The following BICD2 variants were observed in gnomAD, a reference collection of about 807,000 sequenced individuals.
BICD2 encodes the protein BICD cargo adaptor 2, also known as protein bicaudal D homolog 2.
In BICD2, 25 loss-of-function variants were observed where a neutral mutation model predicts 72.9. The ratio of observed to expected loss-of-function variants is 0.34; its 90% CI spans 0.25 to 0.48. The LOEUF is 0.48. BICD2 is among the 20% of genes least tolerant of loss of function. BICD2 has a pLI of 0.99. For missense variants in BICD2, 894 were observed against 1,175.2 expected (o/e 0.76, Z 3.50); for synonymous variants, 501 against 516.1 (o/e 0.97, Z 0.40).
chr9:92,714,932 G>A lies in BICD2; in HGVS notation c.*222C>T, dbSNP rs1853270973. ...CCACCTCTGACCCCCACCTAAGAGA[G>A]CAGCTGAGGACTGGGTGCTCCTGAG... On this transcript the variant is annotated 3_prime_UTR_variant, in exon 7 of 7. Transcript: ENST00000356884. 7.3e-7 allele frequency: 1 copy of A among 1,364,312 alleles called. No homozygotes were observed. Among genetic ancestry groups the A allele is most frequent in the Admixed American group, 3.4e-5 (1 of 29,270 alleles). The allele number at this position is 1,364,312 out of a possible 1,614,324, so 84.5% of individuals were successfully genotyped here. A position where few individuals can be genotyped will look rare whatever the true frequency, so the allele number is the denominator to read the frequency against.
intron 1 of BICD2, among the ~76,000 whole-genome samples, chr9:92,761,484 T>C (rs1854371631): frequency 6.6e-6 from 1 of 152,176 alleles, no homozygotes; most frequent in Non-Finnish European, 1.5e-5. Flanking sequence ...AGTGAGGGTG[T>C]CCAGACCTCC....
At chr9:92,728,811 G>C (rs1413632017) in intron 2 of BICD2, among the ~76,000 whole-genome samples, 1 of 152,264 alleles carries the variant, frequency 6.6e-6, no homozygotes, top group African/African-American at 2.4e-5. Context: ...GCCAGAGGCA[G>C]TGGAACTTGT....
intron 2 of BICD2, among the ~76,000 whole-genome samples, chr9:92,725,332 T>C (rs1194228488): frequency 6.6e-6 from 1 of 152,222 alleles, no homozygotes; most frequent in Non-Finnish European, 1.5e-5. Context: ...TACCATGTCA[T>C]GGGTGATGAT....
At chr9:92,753,335 A>C (rs1854187741) in intron 1 of BICD2, among the ~76,000 whole-genome samples, 1 of 152,188 alleles carries the variant, frequency 6.6e-6, no homozygotes, top group Non-Finnish European at 1.5e-5. Context: ...AATCTGAATA[A>C]AGTATTCATA....
rs372899268 is a variant in BICD2, at chr9:92,718,637, C to T, written c.2008G>A (p.Glu670Lys). 1.9e-6 allele frequency: 3 copies of T among 1,613,848 alleles called. No individual in the cohort carries two copies. The highest frequency in any genetic ancestry group is 2.5e-6 in the Non-Finnish European group (3 of 1,180,046). The change falls in exon 5 of 7, where the codon GAA (glutamate) becomes AAA (lysine). Residue 670 changes from glutamate to lysine, a missense_variant. Around this residue, in one of 5 missense-constraint regions of BICD2, gnomAD observed 321 missense variants for 443.9 expected, o/e 0.72. Transcript: ENST00000356884. ...TTGAGGATCTCCTCCATAAGCGCTT[C>T]CTTGTCCTTGTCCACGGCGGGGCCC... Reference protein sequence around the residue: ...ELGPAVDKDKEALMEEILKLK... With the variant: ...ELGPAVDKDKKALMEEILKLK...
At chr9:92,753,342 C>T (rs1324239142) in intron 1 of BICD2, among the ~76,000 whole-genome samples, 1 of 152,062 alleles carries the variant, frequency 6.6e-6, no homozygotes, top group Non-Finnish European at 1.5e-5. Flanking sequence ...ATAAAGTATT[C>T]ATAATAATGC....
In BICD2 at chr9:92,713,306, C is replaced by T; in HGVS notation, c.*1848G>A. The T allele has an allele frequency of 2.4e-6, 2 of 836,174 alleles. No homozygotes were observed. The highest frequency in any genetic ancestry group is 3.8e-6 in the Non-Finnish European group (2 of 526,344). 51.8% of individuals were successfully genotyped at this position (836,174 alleles called of 1,614,324 possible). A position where few individuals can be genotyped will look rare whatever the true frequency, so the allele number is the denominator to read the frequency against. ...CCTCCCATTAAAAACCTGGGGAATG[C>T]TATTTTGAAAAGAATTGCAGTGGCA... On this transcript the variant is annotated 3_prime_UTR_variant, in exon 7 of 7. Transcript: ENST00000356884.
At chr9:92,716,865 G>C (rs994963350) in intron 6 of BICD2, among the ~76,000 whole-genome samples, 18 of 152,212 alleles carry the variant, frequency 1.2e-4, no homozygotes, top group African/African-American at 4.1e-4. Flanking sequence ...CCACCTCAGA[G>C]CCCATTACTA....
chr9:92,719,654 T>C (rs1393024653), intron 4 of BICD2, 72 bp from the exon 5 acceptor site: 1 of 1,455,668 alleles, frequency 6.9e-7, no homozygotes, highest in African/African-American at 1.4e-5. Flanking sequence ...ACCCCCAAGA[T>C]GGCCTAGTGA....
chr9:92,715,012 C>G lies in BICD2; in HGVS notation c.*142G>C. 1 of 1,422,458 alleles carries G rather than the reference C, an allele frequency of 7.0e-7. No homozygotes were observed. The highest frequency in any genetic ancestry group is 9.2e-7 in the Non-Finnish European group (1 of 1,088,468). 88.1% of individuals were successfully genotyped at this position (1,422,458 alleles called of 1,614,324 possible). A position where few individuals can be genotyped will look rare whatever the true frequency, so the allele number is the denominator to read the frequency against. ...AGCTCTCACAAGTGTCCTGCTGATG[C>G]AACGCCCCATGGCGCCTCGGCTAGA... On this transcript the variant is annotated 3_prime_UTR_variant, in exon 7 of 7. Coordinates refer to ENST00000356884, the MANE Select transcript of BICD2 (RefSeq NM_001003800.2).
intron 1 of BICD2, among the ~76,000 whole-genome samples, chr9:92,746,541 A>C (rs1854018471): frequency 6.6e-6 from 1 of 152,006 alleles, no homozygotes; most frequent in Non-Finnish European, 1.5e-5. Flanking sequence ...CCAAAAAAAA[A>C]AAAAAAAAGA....
At chr9:92,748,914 T>C (rs1854081434) in intron 1 of BICD2, among the ~76,000 whole-genome samples, 1 of 152,066 alleles carries the variant, frequency 6.6e-6, no homozygotes, top group South Asian at 2.1e-4. Flanking sequence ...AGTGGGACCA[T>C]AAGGCTTCTC....
chr9:92,744,411 A>G (rs1346781076), intron 1 of BICD2, among the ~76,000 whole-genome samples: 1 of 152,214 alleles, frequency 6.6e-6, no homozygotes, highest in African/African-American at 2.4e-5. Flanking sequence ...ACTACATGCA[A>G]CTTCTTGATC....
chr9:92,752,116 G>C (rs1370699084), intron 1 of BICD2, among the ~76,000 whole-genome samples: 2 of 152,052 alleles, frequency 1.3e-5, no homozygotes, highest in Non-Finnish European at 2.9e-5. Context: ...CTAACTAACT[G>C]CATGTTCAAA....
At position 92,718,679 on chromosome 9, in the gene BICD2, T is replaced by C; in HGVS notation, c.1966A>G (p.Ile656Val). The change falls in exon 5 of 7, where the codon ATT becomes GTT. Residue 656 changes from isoleucine to valine, a missense_variant. This residue lies in a region of BICD2 where 321 missense variants were observed against 443.9 expected (regional missense o/e 0.72). Transcript: ENST00000356884. ...DRTTELSRQR[I>V]ASQELGPAVD... Reference sequence around the variant, plus strand: ...GCGGGGCCCAGCTCCTGAGAGGCAATGCGCTGGCGTGACAGCTCCGTGGTG... The same window carrying C: ...GCGGGGCCCAGCTCCTGAGAGGCAACGCGCTGGCGTGACAGCTCCGTGGTG... 6.2e-7 allele frequency: 1 copy of C among 1,614,074 alleles called. No homozygotes were observed. The highest frequency in any genetic ancestry group is 8.5e-7 in the Non-Finnish European group (1 of 1,180,014).
chr9:92,725,749 G>C (rs1032316250), intron 2 of BICD2, among the ~76,000 whole-genome samples: 1 of 152,262 alleles, frequency 6.6e-6, no homozygotes, highest in Non-Finnish European at 1.5e-5. Context: ...CACTGTGCAG[G>C]GGGTCGGCTG....
Position 92,751,937 on chromosome 9 carries a change from T to G in BICD2, c.240+12568A>C, listed in dbSNP as rs376822075. ...CTCCTGCCTCAGCCTCCTGGGTAGC[T>G]GGGATTACAGGCGCCCACCACCACG... On this transcript the variant is annotated intron_variant, in intron 1 of 6. Coordinates refer to ENST00000356884, the MANE Select transcript of BICD2 (RefSeq NM_001003800.2). Among the ~76,000 whole-genome samples, 13 of 151,994 alleles carry G rather than the reference T, an allele frequency of 8.6e-5. No homozygotes were observed. In the East Asian group the frequency reaches 1.5e-3, roughly 18 times the overall value.
At chr9:92,717,621 G>A (rs1290013381) in intron 6 of BICD2, among the ~76,000 whole-genome samples, 176 bp downstream of exon 6, 1 of 152,210 alleles carries the variant, frequency 6.6e-6, no homozygotes. Context: ...AGATGTGCCA[G>A]GGGCCATGCT....
At chr9:92,724,146 C>G (rs535156712) in intron 2 of BICD2, among the ~76,000 whole-genome samples, 10 of 152,348 alleles carry the variant, frequency 6.6e-5, no homozygotes, top group African/African-American at 2.4e-4. Flanking sequence ...CTCCAAAGCC[C>G]TCTTGGACTC....
Sources: gnomAD v4.1 joint callset for allele counts (sites outside exome capture counted in the v4.1 genomes callset) on GRCh38, gnomAD v4.1.1 for gene constraint, gnomAD v4.1.1 regional missense constraint, MANE v1.5 for transcripts, NCBI Gene and HGNC (gene_info 2026-07-23, HGNC 2026-07-21) for gene names.